EFCAB14: variants seen among roughly 807,000 people sequenced by gnomAD.
EFCAB14 encodes the protein EF-hand calcium-binding domain-containing protein 14.
In EFCAB14, 43 loss-of-function variants were observed where a neutral mutation model predicts 56.5. The ratio of observed to expected loss-of-function variants is 0.76; its 90% CI spans 0.60 to 0.98. The LOEUF (loss-of-function observed/expected upper bound fraction) is 0.98, where lower values mean the gene tolerates loss of function less well. Among genes scored for constraint, EFCAB14 ranks in the 50% least tolerant of loss-of-function variants. The pLI is 0.00. For missense variants in EFCAB14, 538 were observed against 580.3 expected (o/e 0.93, Z 0.75); for synonymous variants, 235 against 212.9 (o/e 1.10, Z -0.90).
At chr1:46,689,715 T>C (rs763125940) in intron 5 of EFCAB14, 24 bp from the exon 6 acceptor site, 3 of 1,600,644 alleles carry the variant, frequency 1.9e-6, no homozygotes, top group East Asian at 2.2e-5. Context: ...AGAAGTTTAG[T>C]GTAGGCAACA....
At chr1:46,678,745 AT>A (rs1676737749) in intron 10 of EFCAB14, 109 bp from the exon 11 acceptor site, 6 of 1,075,440 alleles carry the variant, frequency 5.6e-6, no homozygotes, top group Non-Finnish European at 7.6e-6. Context: ...TACTCCGCAA[AT>A]TTTGTTTCCA....
In EFCAB14 at chr1:46,683,395, G is replaced by T; in HGVS notation, c.1217C>A (p.Ser406Ter). Reference sequence around the variant, plus strand: ...AAACTGTGAAAATTTTGGCAATGCTGATGGCTTTGATGTGAAACTCTCTAC... The same window carrying T: ...AAACTGTGAAAATTTTGGCAATGCTTATGGCTTTGATGTGAAACTCTCTAC... The part of the protein sequence containing the change: ...EQVESFTSKP[S>*]ALPKFSQFLG... The change falls in exon 10 of 11, where the codon TCA (serine) becomes TAA (stop). Residue 406 changes from serine to a stop codon, truncating the protein, a stop_gained. Coordinates refer to ENST00000371933, the MANE Select transcript of EFCAB14 (RefSeq NM_014774.3). LOFTEE classifies it high-confidence loss of function. 1 of 1,613,956 alleles carries T rather than the reference G, an allele frequency of 6.2e-7. No homozygotes were observed. The highest frequency in any genetic ancestry group is 1.3e-5 in the African/African-American group (1 of 75,028).
chr1:46,713,351 G>A (rs1253987583), intron 2 of EFCAB14, among the ~76,000 whole-genome samples: 1 of 152,192 alleles, frequency 6.6e-6, no homozygotes, highest in East Asian at 1.9e-4. Context: ...TAGGGTCCCA[G>A]GGGAATGTGG....
intron 5 of EFCAB14, among the ~76,000 whole-genome samples, chr1:46,691,377 G>A (rs1404069417): frequency 1.3e-5 from 2 of 152,220 alleles, no homozygotes; most frequent in Non-Finnish European, 2.9e-5. Flanking sequence ...GAACATGCTA[G>A]ACAGCCTGCC....
Position 46,684,534 on chromosome 1 carries a change from T to C in EFCAB14, c.1143A>G (p.Thr381=), listed in dbSNP as rs376178646. 5.6e-6 allele frequency: 9 copies of C among 1,614,020 alleles called. No individual in the cohort carries two copies. The highest frequency in any genetic ancestry group is 7.6e-6 in the Non-Finnish European group (9 of 1,180,004). Residue 381 remains threonine (T), a synonymous_variant, in exon 9 of 11, where the codon ACA becomes ACG. Transcript: ENST00000371933. ...GAGGCCTGTTGCTCTCAGGTTTGTT[T>C]GTAAGAGCACTGATCAGCTGGAGTT... ...REKLQLISAL[T]NKPESNRPPE...
intron 3 of EFCAB14, among the ~76,000 whole-genome samples, chr1:46,701,334 A>C (rs1677154248): frequency 6.6e-6 from 1 of 152,164 alleles, no homozygotes; most frequent in Non-Finnish European, 1.5e-5. Flanking sequence ...CAAAGTATGT[A>C]CACAGTTGGT....
intron 3 of EFCAB14, among the ~76,000 whole-genome samples, chr1:46,703,046 T>G (rs1677182612): frequency 6.6e-6 from 1 of 152,154 alleles, no homozygotes; most frequent in South Asian, 2.1e-4. Context: ...AACATTCAAT[T>G]AGTGAATATT....
At chr1:46,696,380 G>T (rs1231005683) in intron 4 of EFCAB14, among the ~76,000 whole-genome samples, 171 bp downstream of exon 4, 1 of 152,164 alleles carries the variant, frequency 6.6e-6, no homozygotes, top group Non-Finnish European at 1.5e-5. Flanking sequence ...AAACAAAATT[G>T]TTCTGAATTC....
chr1:46,695,945 G>A (rs1677072158), intron 4 of EFCAB14, among the ~76,000 whole-genome samples: 1 of 152,122 alleles, frequency 6.6e-6, no homozygotes, highest in Non-Finnish European at 1.5e-5. Context: ...CTCCCAAAAC[G>A]TTGGGATTAC....
At chr1:46,696,520 T>G in intron 4 of EFCAB14, 31 bp downstream of exon 4, 1 of 1,593,570 alleles carries the variant, frequency 6.3e-7, no homozygotes, top group South Asian at 1.1e-5. Context: ...ACCTACCTTC[T>G]GAAGTCTCTG....
Position 46,686,804 on chromosome 1 carries a change from C to T in EFCAB14, c.1054G>A (p.Val352Ile). The T allele has an allele frequency of 6.2e-7, 1 of 1,613,748 alleles. No homozygotes were observed. Among genetic ancestry groups the T allele is most frequent in the African/African-American group, 1.3e-5 (1 of 75,032 alleles). ...TTTACCTTTATGCTTTGGATTTTTA[C>T]TGTATCTGTTCTGTTGGTGACTTGA... ...LDQVTNRTDTVKIQSIKKEDS... is the reference protein window; with the variant it reads ...LDQVTNRTDTIKIQSIKKEDS... The change falls in exon 8 of 11, where the codon GTA (valine) becomes ATA (isoleucine). Residue 352 changes from valine to isoleucine, a missense_variant. Coordinates refer to ENST00000371933, the MANE Select transcript of EFCAB14 (RefSeq NM_014774.3).
Position 46,718,214 on chromosome 1 carries a change from C to G in EFCAB14, c.-127G>C, listed in dbSNP as rs550618112. The G allele has an allele frequency of 1.0e-4, 100 of 977,422 alleles. 1 individual carries two copies. The highest frequency in any genetic ancestry group is 1.4e-4 in the Non-Finnish European group (90 of 664,654). 60.5% of individuals were successfully genotyped at this position (977,422 alleles called of 1,614,324 possible). On this transcript the variant is annotated 5_prime_UTR_variant, in exon 1 of 11. Transcript: ENST00000371933. ...ATCCTGGGCCAGAGCCCCCTGGTCA[C>G]TCCCACCTAGGGGTGGGACTGACCA...
intron 8 of EFCAB14, 80 bp downstream of exon 8, chr1:46,686,704 T>C: frequency 1.4e-6 from 2 of 1,398,726 alleles, no homozygotes; most frequent in Middle Eastern, 1.8e-4. Flanking sequence ...GTACGCCCTT[T>C]GAAAAAGTAG....
intron 2 of EFCAB14, among the ~76,000 whole-genome samples, chr1:46,708,972 G>T (rs565776166): frequency 3.4e-5 from 5 of 145,814 alleles, no homozygotes; most frequent in Admixed American, 2.8e-4. Flanking sequence ...GCCACAGACC[G>T]CCTTAGTTAT....
chr1:46,705,609 A>G (rs1053200290), intron 3 of EFCAB14, among the ~76,000 whole-genome samples: 3 of 152,262 alleles, frequency 2.0e-5, no homozygotes, highest in East Asian at 1.9e-4. Flanking sequence ...TGTATGAGTA[A>G]GCCCTGCGAT....
intron 10 of EFCAB14, among the ~76,000 whole-genome samples, chr1:46,679,929 C>T (rs1676765171): frequency 6.6e-6 from 1 of 152,094 alleles, no homozygotes; most frequent in African/African-American, 2.4e-5. Flanking sequence ...GTCCAGTGCT[C>T]TTTCTACTAT....
chr1:46,696,470 T>C (rs1677078734), intron 4 of EFCAB14, 81 bp downstream of exon 4: 7 of 1,349,110 alleles, frequency 5.2e-6, no homozygotes, highest in Middle Eastern at 1.8e-4. Flanking sequence ...TGAAAACTTA[T>C]AAGAAGCTAG....
intron 3 of EFCAB14, among the ~76,000 whole-genome samples, chr1:46,705,566 T>C (rs920942378): frequency 3.9e-5 from 6 of 152,114 alleles, no homozygotes; most frequent in African/African-American, 1.2e-4. Context: ...TTAGCTGGCA[T>C]GTGTAAACAG....
At chr1:46,701,023 G>C (rs1677148735) in intron 3 of EFCAB14, among the ~76,000 whole-genome samples, 1 of 146,878 alleles carries the variant, frequency 6.8e-6, no homozygotes, top group African/African-American at 2.5e-5. Context: ...ATGTGAGATG[G>C]GAACACAGAG....
Sources: allele counts gnomAD v4.1 joint callset (sites outside exome capture counted in the v4.1 genomes callset), GRCh38; gene constraint gnomAD v4.1.1; transcripts MANE v1.5; gene names NCBI Gene and HGNC (gene_info 2026-07-23, HGNC 2026-07-21).